Variants in PTPRD observed in about 807,000 individuals in gnomAD.
The protein encoded by PTPRD is receptor-type tyrosine-protein phosphatase delta.
A neutral mutation model predicts 214.5 loss-of-function variants in PTPRD; 34 were observed. The observed-to-expected ratio is 0.16, with a 90% CI of 0.12 to 0.21. The LOEUF is 0.21. Among genes scored for constraint, PTPRD ranks in the 10% least tolerant of loss-of-function variants. PTPRD has a pLI of 1.00. For missense variants in PTPRD, 2,545 were observed against 2,398.7 expected, an observed-to-expected ratio of 1.06 and a Z score of -1.27; for synonymous variants, 1,128 against 845.7, an observed-to-expected ratio of 1.33 and a Z score of -5.79.
intron 10 of PTPRD, among the ~76,000 whole-genome samples, chr9:9,155,683 G>T (rs535995860): frequency 6.6e-6 from 1 of 152,140 alleles, no homozygotes; most frequent in Non-Finnish European, 1.5e-5. Context: ...TAAAGGTGCT[G>T]CCTGGGCCAA....
At chr9:9,398,997 T>A (rs1361927054) in intron 8 of PTPRD, among the ~76,000 whole-genome samples, 1 of 152,072 alleles carries the variant, frequency 6.6e-6, no homozygotes, top group African/African-American at 2.4e-5. Context: ...CAATGTCTCA[T>A]ACTTCACTAT....
chr9:10,188,081 T>A (rs1253813359), intron 3 of PTPRD, among the ~76,000 whole-genome samples: 1 of 152,208 alleles, frequency 6.6e-6, no homozygotes, highest in Non-Finnish European at 1.5e-5. Context: ...TCTGCTAACA[T>A]TATTTAACAT....
intron 3 of PTPRD, among the ~76,000 whole-genome samples, chr9:10,227,622 C>T (rs1371019430): frequency 6.6e-6 from 1 of 151,808 alleles, no homozygotes; most frequent in Non-Finnish European, 1.5e-5. Context: ...TTTCATCCAT[C>T]CTTAGAAAGT....
At chr9:10,595,104 G>C (rs2076319175) in intron 2 of PTPRD, among the ~76,000 whole-genome samples, 1 of 151,772 alleles carries the variant, frequency 6.6e-6, no homozygotes, top group African/African-American at 2.4e-5. Flanking sequence ...TTTCGTTCTT[G>C]TCTAACTCTG....
chr9:10,411,955 C>G (rs894429916), intron 2 of PTPRD, among the ~76,000 whole-genome samples: 7 of 151,684 alleles, frequency 4.6e-5, no homozygotes, highest in Non-Finnish European at 7.4e-5. Flanking sequence ...TTAAATTGTT[C>G]TTAATATAAC....
At chr9:8,900,030 C>A (rs1458748385) in intron 11 of PTPRD, among the ~76,000 whole-genome samples, 1 of 152,128 alleles carries the variant, frequency 6.6e-6, no homozygotes, top group Non-Finnish European at 1.5e-5. Flanking sequence ...TTACTAAAAT[C>A]TTTGGTCAGT....
At position 10,449,760 on chromosome 9, in the gene PTPRD, G is replaced by A. The variant is rs1452914182; in HGVS notation, c.-599-108743C>T. Among the ~76,000 whole-genome samples, 948 of 150,838 alleles carry A rather than the reference G, an allele frequency of 6.3e-3. 18 individuals carry two copies. The highest frequency in any genetic ancestry group is 0.021 in the African/African-American group (834 of 40,222). On this transcript the variant is annotated intron_variant, in intron 2 of 45. Transcript: ENST00000381196. ...GGAGGTGTACCCAACAGCTCATTGAGAACGGGCCATGATGACGATGGCGGT... is the reference window on the plus strand; with the variant it reads ...GGAGGTGTACCCAACAGCTCATTGAAAACGGGCCATGATGACGATGGCGGT...
rs2095890462 is a variant in PTPRD, at chr9:8,623,610, CACA to C, written c.352+9704_352+9706del. On this transcript the variant is annotated intron_variant, in intron 14 of 45. Coordinates refer to ENST00000381196, the MANE Select transcript of PTPRD (RefSeq NM_002839.4). ...TAATACTAGTGATGATAATGATAAT[CACA>C]ACAACAACTCACATTTCCTGAGTGC... is the stretch of plus-strand genomic sequence containing the variant. Among the ~76,000 whole-genome samples, 5 of 151,966 alleles carry C rather than the reference CACA, an allele frequency of 3.3e-5. 1 individual carries two copies. Among genetic ancestry groups the C allele is most frequent in the Admixed American group, 2.6e-4 (4 of 15,228 alleles).
intron 3 of PTPRD, among the ~76,000 whole-genome samples, chr9:10,106,513 A>G (rs898226464): frequency 6.6e-6 from 1 of 151,232 alleles, no homozygotes; most frequent in Non-Finnish European, 1.5e-5. Flanking sequence ...CTGAGCTGTG[A>G]AAGTGACGGA....
intron 3 of PTPRD, among the ~76,000 whole-genome samples, chr9:10,077,440 G>C (rs1441586021): frequency 6.6e-6 from 1 of 152,118 alleles, no homozygotes; most frequent in African/African-American, 2.4e-5. Flanking sequence ...TCTAAAATTA[G>C]AGCTAGATTA....
intron 5 of PTPRD, among the ~76,000 whole-genome samples, chr9:9,910,380 G>A (rs1347478592): frequency 6.6e-6 from 1 of 151,964 alleles, no homozygotes. Flanking sequence ...GCAATTTTCA[G>A]TCAACATCTG....
At chr9:10,216,635 T>C (rs530716667) in intron 3 of PTPRD, among the ~76,000 whole-genome samples, 1 of 152,128 alleles carries the variant, frequency 6.6e-6, no homozygotes, top group South Asian at 2.1e-4. Flanking sequence ...AATCCACAAA[T>C]GTTATAGATG....
At chr9:10,283,095 C>T (rs922216846) in intron 3 of PTPRD, among the ~76,000 whole-genome samples, 2 of 151,748 alleles carry the variant, frequency 1.3e-5, no homozygotes, top group Non-Finnish European at 2.9e-5. Flanking sequence ...TTCTCTTCTA[C>T]CATAATTCCT....
At chr9:8,456,317 C>G (rs767202562) in intron 33 of PTPRD, among the ~76,000 whole-genome samples, 27 of 151,902 alleles carry the variant, frequency 1.8e-4, no homozygotes, top group African/African-American at 6.5e-4. Flanking sequence ...TAAAGCAGCC[C>G]GAACTGCTAG....
intron 9 of PTPRD, among the ~76,000 whole-genome samples, chr9:9,266,342 T>C (rs954860577): frequency 5.3e-5 from 8 of 151,184 alleles, no homozygotes; most frequent in African/African-American, 1.2e-4. Flanking sequence ...GAGCAATAAA[T>C]AGATCACCCA....
chr9:10,358,841 A>G (rs1216205860), intron 2 of PTPRD, among the ~76,000 whole-genome samples: 4 of 152,010 alleles, frequency 2.6e-5, no homozygotes, highest in Non-Finnish European at 5.9e-5. Flanking sequence ...TAAGTAATGC[A>G]TATTGTATTA....
chr9:10,394,650 T>C (rs372599812), intron 2 of PTPRD, among the ~76,000 whole-genome samples: 5 of 152,040 alleles, frequency 3.3e-5, no homozygotes, highest in African/African-American at 1.2e-4. Context: ...TCACTGAATG[T>C]CATGTGATTA....
At chr9:9,253,173 A>G (rs1397336050) in intron 9 of PTPRD, among the ~76,000 whole-genome samples, 1 of 152,052 alleles carries the variant, frequency 6.6e-6, no homozygotes, top group Non-Finnish European at 1.5e-5. Flanking sequence ...CTACTGACAT[A>G]ATAATATTCA....
intron 2 of PTPRD, among the ~76,000 whole-genome samples, chr9:10,539,298 C>T (rs1344560671): frequency 6.6e-6 from 1 of 152,204 alleles, no homozygotes; most frequent in Non-Finnish European, 1.5e-5. Context: ...AATTCTCCCA[C>T]ATCAGCCTCC....
Sources: allele counts gnomAD v4.1 joint callset (sites outside exome capture counted in the v4.1 genomes callset), GRCh38; gene constraint gnomAD v4.1.1; transcripts MANE v1.5; gene names NCBI Gene and HGNC (gene_info 2026-07-23, HGNC 2026-07-21).